Variants in GNAO1 observed in about 807,000 individuals in gnomAD.
GNAO1 encodes the protein guanine nucleotide-binding protein G(o) subunit alpha.
For missense variants in GNAO1, 166 were observed against 478.7 expected, an observed-to-expected ratio of 0.35 and a Z score of 6.10; for synonymous variants, 164 against 180.7, an observed-to-expected ratio of 0.91 and a Z score of 0.74.
At chr16:56,232,741 C>A (rs570508992) in intron 2 of GNAO1, among the ~76,000 whole-genome samples, 3 of 152,044 alleles carry the variant, frequency 2.0e-5, no homozygotes, top group African/African-American at 7.3e-5. Flanking sequence ...GTATAAAATA[C>A]GTTGGAAAAA....
intron 2 of GNAO1, among the ~76,000 whole-genome samples, chr16:56,237,985 T>C (rs1376014509): frequency 6.6e-6 from 1 of 152,182 alleles, no homozygotes; most frequent in Admixed American, 6.5e-5. Context: ...TTCTCAAAAC[T>C]TTGGGCCAGC....
In GNAO1 at chr16:56,326,880, G is replaced by A. The variant is rs541116575; in HGVS notation, c.304-1751G>A. Among the ~76,000 whole-genome samples the A allele has an allele frequency of 2.0e-5, 3 of 152,312 alleles. No individual in the cohort carries two copies. Among genetic ancestry groups the A allele is most frequent in the Admixed American group, 1.3e-4 (2 of 15,312 alleles). On this transcript the variant is annotated intron_variant, in intron 3 of 8. Transcript: ENST00000262493. The surrounding 1 kb of genome is among the most constrained non-coding windows in gnomAD (Gnocchi z 4.8). ...CCTGGGCAAGGCCACTTCAGCTGTG[G>A]TCTAGACCCCTCTACCAGGCCCTGT...
rs545646927 is a variant in GNAO1, at chr16:56,269,622, C to T, written c.162-6309C>T. 7.2e-5 allele frequency among the ~76,000 whole-genome samples: 11 copies of T among 152,282 alleles called. No individual in the cohort carries two copies. In the East Asian group the frequency reaches 2.1e-3, roughly 29 times the overall value. On this transcript the variant is annotated intron_variant, in intron 2 of 8. Coordinates refer to ENST00000262493, the MANE Select transcript of GNAO1 (RefSeq NM_020988.3). ...AGTCTGGCTCTAGAAGCCCCCGCTTCCTGTGGATCATTAAAGGGATTGTGA... is the reference window on the plus strand; with the variant it reads ...AGTCTGGCTCTAGAAGCCCCCGCTTTCTGTGGATCATTAAAGGGATTGTGA...
intron 6 of GNAO1, among the ~76,000 whole-genome samples, chr16:56,338,849 C>A (rs1461683567): frequency 6.6e-6 from 1 of 152,252 alleles, no homozygotes; most frequent in Non-Finnish European, 1.5e-5. Context: ...TTCCAGCCTG[C>A]GGGCCTTGCT....
chr16:56,264,105 G>A (rs1166672007), intron 2 of GNAO1, among the ~76,000 whole-genome samples: 1 of 152,232 alleles, frequency 6.6e-6, no homozygotes, highest in Non-Finnish European at 1.5e-5. Context: ...CCACCACCAA[G>A]GGGGAGCCCC....
intron 2 of GNAO1, among the ~76,000 whole-genome samples, chr16:56,231,823 T>C (rs1325833032): frequency 6.6e-6 from 1 of 152,218 alleles, no homozygotes; most frequent in Admixed American, 6.5e-5. Context: ...CCTCTACTCC[T>C]CTGAGGCTCA....
intron 3 of GNAO1, among the ~76,000 whole-genome samples, chr16:56,308,668 A>G (rs1306661857): frequency 6.6e-6 from 1 of 152,174 alleles, no homozygotes; most frequent in East Asian, 1.9e-4. Context: ...TGGCACCTAA[A>G]TGTTGGGTGG....
intron 6 of GNAO1, among the ~76,000 whole-genome samples, chr16:56,350,395 A>T (rs148384615): frequency 7.9e-4 from 120 of 152,310 alleles, no homozygotes; most frequent in African/African-American, 2.6e-3. Context: ...CTCCCTGTGC[A>T]GAAATGGATT....
At chr16:56,291,155 A>G (rs555561266) in intron 3 of GNAO1, among the ~76,000 whole-genome samples, 1 of 152,328 alleles carries the variant, frequency 6.6e-6, no homozygotes, top group South Asian at 2.1e-4. Context: ...GATGGTTCAT[A>G]AGGTAGTTCC....
At chr16:56,252,793 CCTT>C (rs1334241160) in intron 2 of GNAO1, among the ~76,000 whole-genome samples, 2 of 152,210 alleles carry the variant, frequency 1.3e-5, no homozygotes, top group African/African-American at 2.4e-5. Flanking sequence ...TCCAGCTGTT[CCTT>C]CTTGTGGGCA....
At chr16:56,252,029 T>C (rs1383217436) in intron 2 of GNAO1, among the ~76,000 whole-genome samples, 1 of 152,188 alleles carries the variant, frequency 6.6e-6, no homozygotes, top group Non-Finnish European at 1.5e-5. Context: ...CAGAAGGAGC[T>C]ATAAGCAGAA....
At position 56,343,812 on chromosome 16, in the gene GNAO1, G is replaced by A. The variant is rs200899254; in HGVS notation, c.723+6952G>A. On this transcript the variant is annotated intron_variant, in intron 6 of 8. Transcript: ENST00000262493. Reference sequence around the variant, plus strand: ...TGGCTTACATCCAGGCCCAGTACGAGAGCAAGAACAAGTCAGCCCACAAAG... The same window carrying A: ...TGGCTTACATCCAGGCCCAGTACGAAAGCAAGAACAAGTCAGCCCACAAAG... 15 of 1,608,494 alleles carry A rather than the reference G, an allele frequency of 9.3e-6. No individual in the cohort carries two copies. In the East Asian group the frequency reaches 2.7e-4, roughly 29 times the overall value.
chr16:56,203,662 T>C (rs942769116), intron 2 of GNAO1, among the ~76,000 whole-genome samples: 3 of 152,208 alleles, frequency 2.0e-5, no homozygotes, highest in Non-Finnish European at 4.4e-5. Flanking sequence ...CTGACAGTTA[T>C]GTGAATCAAT....
intron 2 of GNAO1, among the ~76,000 whole-genome samples, chr16:56,268,538 G>T (rs1257136752): frequency 6.6e-6 from 1 of 152,168 alleles, no homozygotes; most frequent in African/African-American, 2.4e-5. Flanking sequence ...GGTTAAACAC[G>T]AAGTGTCTGT....
In GNAO1 at chr16:56,328,647, T is replaced by C; in HGVS notation, c.320T>C (p.Val107Ala). ...TCCTCACAGGCTGACGCCAAGATGG[T>C]GTGTGATGTGGTGAGTCGGATGGAA... ...DKERKADAKMVCDVVSRMEDT... is the reference protein window; with the variant it reads ...DKERKADAKMACDVVSRMEDT... Residue 107 changes from valine to alanine, a missense_variant, in exon 4 of 9, where the codon GTG becomes GCG. Physicochemically the swap from Val to Ala is moderately conservative, Grantham distance 64 (BLOSUM62 0). Transcript: ENST00000262493. The C allele has an allele frequency of 6.2e-7, 1 of 1,613,898 alleles. No homozygotes were observed. The highest frequency in any genetic ancestry group is 8.5e-7 in the Non-Finnish European group (1 of 1,179,866).
intron 2 of GNAO1, among the ~76,000 whole-genome samples, chr16:56,238,946 T>C (rs968904072): frequency 6.6e-6 from 1 of 152,254 alleles, no homozygotes; most frequent in Admixed American, 6.5e-5. Flanking sequence ...TTGGCCCTCT[T>C]TACTCTCACT....
intron 3 of GNAO1, among the ~76,000 whole-genome samples, chr16:56,284,290 C>T (rs1046585335): frequency 5.3e-5 from 8 of 152,186 alleles, no homozygotes; most frequent in African/African-American, 1.9e-4. Flanking sequence ...GAAATTCTAG[C>T]TCTCCAGGGC....
intron 2 of GNAO1, among the ~76,000 whole-genome samples, chr16:56,208,559 T>A (rs372421391): frequency 4.6e-4 from 70 of 152,264 alleles, no homozygotes; most frequent in Middle Eastern, 3.4e-3. Context: ...ATATACAGTG[T>A]TTTCCGAAGT....
intron 3 of GNAO1, among the ~76,000 whole-genome samples, chr16:56,286,873 T>C (rs1467078734): frequency 2.0e-5 from 3 of 151,780 alleles, no homozygotes; most frequent in Non-Finnish European, 4.4e-5. Flanking sequence ...AAAAAGGAAA[T>C]AGAATAGGAG....
Sources: allele counts gnomAD v4.1 joint callset (sites outside exome capture counted in the v4.1 genomes callset), GRCh38; gene constraint gnomAD v4.1.1; non-coding constraint Gnocchi (gnomAD v3.1); transcripts MANE v1.5; gene names NCBI Gene and HGNC (gene_info 2026-07-23, HGNC 2026-07-21).